Variants in TTC39B observed in about 807,000 individuals in gnomAD.
TTC39B encodes the protein tetratricopeptide repeat protein 39B.
In TTC39B, 92 loss-of-function variants were observed where a neutral mutation model predicts 96.6. The observed-to-expected ratio is 0.95, with a 90% CI of 0.80 to 1.13. The LOEUF (loss-of-function observed/expected upper bound fraction) is 1.13. Among genes scored for constraint, TTC39B ranks in the 50% most tolerant of loss-of-function variants. The probability of loss-of-function intolerance (pLI) is 0.00; values close to 1 mark genes in which losing one functional copy is unlikely to be tolerated. For synonymous variants in TTC39B, 367 were observed against 299.4 expected (o/e 1.23, Z -2.33); for missense variants, 955 against 809.3 (o/e 1.18, Z -2.18).
chr9:15,258,760 A>G (rs1178207343), intron 2 of TTC39B, among the ~76,000 whole-genome samples: 1 of 152,176 alleles, frequency 6.6e-6, no homozygotes, highest in Non-Finnish European at 1.5e-5. Context: ...CAACACCCCA[A>G]CCACGACTCA....
intron 1 of TTC39B, among the ~76,000 whole-genome samples, chr9:15,291,888 T>G (rs539391146): frequency 6.6e-6 from 1 of 152,336 alleles, no homozygotes; most frequent in East Asian, 1.9e-4. Flanking sequence ...TGCCACTTGC[T>G]GCCAATGTGC....
rs532618328 is a variant in TTC39B at position 15,193,855 on chromosome 9, G to A, written c.825-1160C>T. ...TTGAAAGATGTTTTACTAAATAATT[G>A]GCCAGTTTATTCTTTTAAAATGTCA... On this transcript the variant is annotated intron_variant, in intron 8 of 19. Transcript: ENST00000512701. Among the ~76,000 whole-genome samples, 19 of 152,234 alleles carry A rather than the reference G, an allele frequency of 1.2e-4. No individual in the cohort carries two copies. In the East Asian group the frequency reaches 3.7e-3, roughly 29 times the overall value.
exon 20 of TTC39B, chr9:15,169,706 G>A (rs1404923673): frequency 3.3e-5 from 5 of 152,032 alleles, no homozygotes; most frequent in Non-Finnish European, 7.4e-5. Flanking sequence ...AGATCCACTG[G>A]ATATACTGTC....
chr9:15,233,449 C>A (rs1358627226), intron 2 of TTC39B, among the ~76,000 whole-genome samples: 1 of 152,026 alleles, frequency 6.6e-6, no homozygotes, highest in Non-Finnish European at 1.5e-5. Context: ...TCACTGCAAC[C>A]TCCCTGCCTG....
At chr9:15,236,880 G>T (rs1821805405) in intron 2 of TTC39B, among the ~76,000 whole-genome samples, 1 of 152,022 alleles carries the variant, frequency 6.6e-6, no homozygotes, top group African/African-American at 2.4e-5. Context: ...AAGACAGAAA[G>T]ACCTCAAATT....
At chr9:15,226,514 T>A (rs920086667) in intron 2 of TTC39B, among the ~76,000 whole-genome samples, 1 of 152,236 alleles carries the variant, frequency 6.6e-6, no homozygotes, top group Admixed American at 6.5e-5. Flanking sequence ...TCCCTCATTT[T>A]CAGGCATGTA....
chr9:15,195,005 A>G (rs1383205973), intron 8 of TTC39B, among the ~76,000 whole-genome samples: 1 of 152,228 alleles, frequency 6.6e-6, no homozygotes, highest in African/African-American at 2.4e-5. Flanking sequence ...ATCAAAAACT[A>G]GAAATAATTA....
At chr9:15,273,875 C>G (rs1823445400) in intron 1 of TTC39B, among the ~76,000 whole-genome samples, 1 of 152,180 alleles carries the variant, frequency 6.6e-6, no homozygotes, top group Non-Finnish European at 1.5e-5. Context: ...GCCCCAACTT[C>G]CCCCCAGGAC....
intron 8 of TTC39B, among the ~76,000 whole-genome samples, chr9:15,196,446 T>A (rs1172714192): frequency 6.6e-6 from 1 of 151,944 alleles, no homozygotes; most frequent in Non-Finnish European, 1.5e-5. Context: ...TTAACAGGAG[T>A]TTGGAAGAAG....
At chr9:15,298,684 G>A (rs1233517058) in intron 1 of TTC39B, among the ~76,000 whole-genome samples, 1 of 152,168 alleles carries the variant, frequency 6.6e-6, no homozygotes, top group South Asian at 2.1e-4. Flanking sequence ...AAGATGAGAT[G>A]TGGGTGGGAA....
intron 6 of TTC39B, among the ~76,000 whole-genome samples, chr9:15,207,879 G>C (rs1237926692): frequency 6.7e-6 from 1 of 149,836 alleles, no homozygotes; most frequent in East Asian, 2.0e-4. Context: ...AGCTACTCGG[G>C]AGGCTGAGGC....
At chr9:15,214,340 G>C (rs1161262942) in intron 3 of TTC39B, 91 bp from the exon 4 acceptor site, 10 of 765,318 alleles carry the variant, frequency 1.3e-5, no homozygotes, top group Non-Finnish European at 1.9e-5. Flanking sequence ...GTGTGTGTGT[G>C]TGTGTGTCTG....
At chr9:15,236,945 A>G (rs372402323) in intron 2 of TTC39B, among the ~76,000 whole-genome samples, 1 of 152,138 alleles carries the variant, frequency 6.6e-6, no homozygotes, top group Non-Finnish European at 1.5e-5. Flanking sequence ...AACCAACCCA[A>G]AGCTAGCAGA....
intron 7 of TTC39B, among the ~76,000 whole-genome samples, chr9:15,200,602 A>G (rs1373405305): frequency 6.6e-6 from 1 of 152,260 alleles, no homozygotes; most frequent in Non-Finnish European, 1.5e-5. Flanking sequence ...AATAAATTAC[A>G]TCAAATAACC....
chr9:15,254,955 G>C (rs1822700678), intron 2 of TTC39B, among the ~76,000 whole-genome samples: 1 of 149,086 alleles, frequency 6.7e-6, no homozygotes, highest in South Asian at 2.1e-4. Context: ...AAAATCAAAA[G>C]CTTATAGCTG....
chr9:15,271,010 G>A (rs1823330527), intron 1 of TTC39B, among the ~76,000 whole-genome samples: 1 of 152,108 alleles, frequency 6.6e-6, no homozygotes, highest in East Asian at 1.9e-4. Flanking sequence ...TAAGCCAGTT[G>A]TAGTTTAATT....
chr9:15,277,753 T>C (rs1442668860), intron 1 of TTC39B, among the ~76,000 whole-genome samples: 1 of 152,214 alleles, frequency 6.6e-6, no homozygotes, highest in Non-Finnish European at 1.5e-5. Context: ...TGTTCGCCCA[T>C]CACAAATTCT....
In TTC39B at chr9:15,210,000, A is replaced by G. The variant is rs1820100530; in HGVS notation, c.691+88T>C. On this transcript the variant is annotated intron_variant, in intron 6 of 19. Transcript: ENST00000512701. ...GGGAAGAGAAAAAGACATTCCATTT[A>G]CTTTATATACTTCAGGATGGAATTT... The G allele has an allele frequency of 4.3e-6, 4 of 927,976 alleles. No homozygotes were observed. The Admixed American group carries it at 9.2e-5, about 21-fold the overall frequency. The allele number at this position is 927,976 out of a possible 1,614,324, so 57.5% of individuals were successfully genotyped here. A position where few individuals can be genotyped will look rare whatever the true frequency, so the allele number is the denominator to read the frequency against.
intron 2 of TTC39B, among the ~76,000 whole-genome samples, chr9:15,234,336 C>T (rs1384640959): frequency 1.1e-4 from 16 of 148,584 alleles, no homozygotes; most frequent in African/African-American, 2.7e-4. Context: ...CCCAGCCAGC[C>T]GCCCCATCTG....
Sources: allele counts gnomAD v4.1 joint callset (sites outside exome capture counted in the v4.1 genomes callset), GRCh38; gene constraint gnomAD v4.1.1; transcripts MANE v1.5; gene names NCBI Gene and HGNC (gene_info 2026-07-23, HGNC 2026-07-21).